Variants in DPYD observed in about 807,000 individuals in gnomAD.
The protein encoded by DPYD is dihydropyrimidine dehydrogenase.
Under a neutral mutation model 116.2 loss-of-function variants are expected in DPYD, and 109 were observed. That is an observed-to-expected ratio of 0.94 (90% CI 0.80 to 1.10). The LOEUF (loss-of-function observed/expected upper bound fraction) is 1.10, where lower values mean the gene tolerates loss of function less well. DPYD is among the 50% of genes least tolerant of loss of function. The pLI, the probability that DPYD is intolerant of heterozygous loss-of-function variation, is 0.00. For missense variants in DPYD, 1,302 were observed against 1,254.5 expected, an observed-to-expected ratio of 1.04 and a Z score of -0.57; for synonymous variants, 440 against 432.0, an observed-to-expected ratio of 1.02 and a Z score of -0.23.
At chr1:97,724,953 A>AAGAGAAAGAG (rs1663152960) in intron 4 of DPYD, among the ~76,000 whole-genome samples, 1 of 118,826 alleles carries the variant, frequency 8.4e-6, no homozygotes, top group Non-Finnish European at 1.7e-5. Flanking sequence ...GAGGGAAGGA[A>AAGAGAAAGAG]AGAGAGAGAG....
At chr1:97,514,125 T>C (rs1648026040) in intron 13 of DPYD, 4 of 875,730 alleles carry the variant, frequency 4.6e-6, no homozygotes, top group Non-Finnish European at 5.5e-6. Flanking sequence ...CACACACTTC[T>C]AAATTGATAG....
In DPYD at chr1:97,192,839, C is replaced by T. The variant is rs4950023; in HGVS notation, c.2622+230G>A. ...TGGAGGCACTTTACACTGCAAACAT[C>T]GGTCTTTTCCTTTTATATAATCTTG... On this transcript the variant is annotated intron_variant, in intron 20 of 22. Transcript: ENST00000370192. Among the ~76,000 whole-genome samples the T allele has an allele frequency of 0.65, 98,606 of 152,012 alleles. 32,407 individuals carry two copies. The highest frequency in any genetic ancestry group is 0.99 in the East Asian group (5,109 of 5,154).
chr1:97,723,104 T>C (rs1240702974), intron 4 of DPYD, among the ~76,000 whole-genome samples: 1 of 151,576 alleles, frequency 6.6e-6, no homozygotes, highest in Admixed American at 6.6e-5. Flanking sequence ...ATTTTAGAAG[T>C]AAATGAACAT....
intron 21 of DPYD, among the ~76,000 whole-genome samples, chr1:97,086,342 G>C (rs1202877857): frequency 8.0e-6 from 1 of 124,298 alleles, no homozygotes; most frequent in African/African-American, 2.9e-5. Flanking sequence ...GAGCCACGGC[G>C]CCTGGCCAAG....
At chr1:97,295,385 T>C (rs1343991600) in intron 18 of DPYD, 1 of 151,924 alleles carries the variant, frequency 6.6e-6, no homozygotes, top group African/African-American at 2.4e-5. Flanking sequence ...AATTTCCAAA[T>C]ACCAAAAAGA....
At chr1:97,629,676 CAAAAACAAAA>C (rs1396340514) in intron 8 of DPYD, among the ~76,000 whole-genome samples, 1 of 150,152 alleles carries the variant, frequency 6.7e-6, no homozygotes, top group Non-Finnish European at 1.5e-5. Context: ...AGTGTCTCTC[CAAAAACAAAA>C]AAAAACAAAC....
intron 13 of DPYD, among the ~76,000 whole-genome samples, chr1:97,482,685 C>G (rs921802333): frequency 2.6e-5 from 4 of 152,106 alleles, no homozygotes; most frequent in Admixed American, 6.6e-5. Flanking sequence ...TTAAAGAGAA[C>G]AGTTAGCATT....
chr1:97,329,136 T>C (rs139326396), intron 16 of DPYD, among the ~76,000 whole-genome samples: 56 of 152,230 alleles, frequency 3.7e-4, no homozygotes, highest in African/African-American at 1.3e-3. Context: ...AGAAGAATAA[T>C]AGTAAATCTG....
chr1:97,410,471 A>G (rs1358189844), intron 14 of DPYD, among the ~76,000 whole-genome samples: 1 of 152,236 alleles, frequency 6.6e-6, no homozygotes, highest in Non-Finnish European at 1.5e-5. Flanking sequence ...TAACTGAAAG[A>G]ATAATGTCAT....
At chr1:97,191,628 G>A (rs764143554) in intron 20 of DPYD, among the ~76,000 whole-genome samples, 16 of 152,036 alleles carry the variant, frequency 1.1e-4, no homozygotes, top group Non-Finnish European at 2.2e-4. Flanking sequence ...GTTTTGAAAC[G>A]AGTGTGAAAA....
At chr1:97,728,710 C>G (rs1305087440) in intron 4 of DPYD, among the ~76,000 whole-genome samples, 1 of 151,994 alleles carries the variant, frequency 6.6e-6, no homozygotes, top group African/African-American at 2.4e-5. Flanking sequence ...GGTGAATTAA[C>G]ATTACTTTTA....
At chr1:97,680,018 A>G (rs543646559) in intron 7 of DPYD, among the ~76,000 whole-genome samples, 92 of 152,292 alleles carry the variant, frequency 6.0e-4, no homozygotes, top group African/African-American at 1.9e-3. Flanking sequence ...ACTTGGAAAC[A>G]TAAGAGTGGG....
At chr1:97,475,179 A>G (rs189320169) in intron 13 of DPYD, among the ~76,000 whole-genome samples, 4 of 152,294 alleles carry the variant, frequency 2.6e-5, no homozygotes, top group Admixed American at 2.0e-4. Context: ...TAGTTAGGCT[A>G]TAATATTAAA....
chr1:97,779,031 G>A (rs1028202479), intron 3 of DPYD, among the ~76,000 whole-genome samples: 2 of 152,028 alleles, frequency 1.3e-5, no homozygotes, highest in Non-Finnish European at 2.9e-5. Context: ...ATAATGTCTA[G>A]AAATTATCTG....
intron 16 of DPYD, among the ~76,000 whole-genome samples, chr1:97,355,619 T>C (rs1032692454): frequency 6.6e-6 from 1 of 152,192 alleles, no homozygotes; most frequent in East Asian, 1.9e-4. Flanking sequence ...TTCTACTTTC[T>C]GTTTCTTTAG....
chr1:97,406,022 G>A lies in DPYD; in HGVS notation c.1906-23561C>T, dbSNP rs1261626552. Among the ~76,000 whole-genome samples the A allele has an allele frequency of 2.0e-5, 3 of 152,078 alleles. No individual in the cohort carries two copies. The East Asian group carries it at 5.8e-4, about 29-fold the overall frequency. ...TCACAATATCCTTGGTGTCCCCTAT[G>A]CCTGGGCCCTCCTGGAGTTTTTAAC... On this transcript the variant is annotated intron_variant, in intron 14 of 22. Coordinates refer to ENST00000370192, the MANE Select transcript of DPYD (RefSeq NM_000110.4).
At chr1:97,386,076 A>T (rs79761839) in intron 14 of DPYD, among the ~76,000 whole-genome samples, 2,058 of 152,150 alleles carry the variant, frequency 0.014, 49 homozygotes, top group African/African-American at 0.048. Context: ...GTGACCACAG[A>T]TGGGAGAGAT....
chr1:97,909,014 C>A (rs991063095), intron 1 of DPYD, among the ~76,000 whole-genome samples: 3 of 152,158 alleles, frequency 2.0e-5, no homozygotes, highest in Non-Finnish European at 4.4e-5. Context: ...ATGTTCACTG[C>A]TCTCATGTTC....
chr1:97,096,194 AT>A (rs199788830), intron 21 of DPYD, among the ~76,000 whole-genome samples: 5 of 151,276 alleles, frequency 3.3e-5, no homozygotes, highest in African/African-American at 7.3e-5. Flanking sequence ...TCTGACTTTG[AT>A]TTTTTTTTGA....
Sources: gnomAD v4.1 joint callset for allele counts (sites outside exome capture counted in the v4.1 genomes callset) on GRCh38, gnomAD v4.1.1 for gene constraint, MANE v1.5 for transcripts, NCBI Gene and HGNC (gene_info 2026-07-23, HGNC 2026-07-21) for gene names.